LONRF2: variants seen among roughly 807,000 people sequenced by gnomAD.
The protein encoded by LONRF2 is LON peptidase N-terminal domain and RING finger protein 2.
LONRF2 carries 35 observed loss-of-function variants against 66.6 expected under a neutral mutation model. That is an observed-to-expected ratio of 0.53 (90% CI 0.40 to 0.70). The LOEUF (loss-of-function observed/expected upper bound fraction) is 0.70, where lower values mean the gene tolerates loss of function less well. LONRF2 is among the 30% of genes least tolerant of loss of function. LONRF2 has a pLI of 0.00. For missense variants in LONRF2, 902 were observed against 1,002.1 expected, an observed-to-expected ratio of 0.90 and a Z score of 1.35; for synonymous variants, 417 against 418.1, an observed-to-expected ratio of 1.00 and a Z score of 0.03.
At chr2:100,319,078 C>A (rs552521535) in intron 1 of LONRF2, among the ~76,000 whole-genome samples, 8 of 149,512 alleles carry the variant, frequency 5.4e-5, no homozygotes, top group Non-Finnish European at 8.9e-5. Context: ...TGTAGAGCCA[C>A]GCCACTACAC....
At chr2:100,309,070 C>A in intron 2 of LONRF2, 37 bp downstream of exon 2, 1 of 1,326,542 alleles carries the variant, frequency 7.5e-7, no homozygotes, top group South Asian at 1.4e-5. Flanking sequence ...ATATAAACTT[C>A]ACATTGATTA....
At chr2:100,304,559 C>T (rs1285656282) in intron 2 of LONRF2, among the ~76,000 whole-genome samples, 1 of 151,388 alleles carries the variant, frequency 6.6e-6, no homozygotes, top group Non-Finnish European at 1.5e-5. Flanking sequence ...TGCATAATAA[C>T]TTCTTCAAAG....
chr2:100,272,080 G>A lies in LONRF2; in HGVS notation c.*12218C>T, dbSNP rs968869212. ...CTATTTAAATGACATTACCAATAAT[G>A]ACTTGTGAAAACTGAAACTTTTAGT... On this transcript the variant is annotated 3_prime_UTR_variant, in exon 12 of 12. Transcript: ENST00000393437. Among the ~76,000 whole-genome samples, 1 of 152,174 alleles carries A rather than the reference G, an allele frequency of 6.6e-6. No individual in the cohort carries two copies. Among genetic ancestry groups the A allele is most frequent in the Non-Finnish European group, 1.5e-5 (1 of 68,038 alleles).
intron 5 of LONRF2, 150 bp from the exon 6 acceptor site, chr2:100,299,469 A>G: frequency 1.6e-6 from 1 of 608,560 alleles, no homozygotes; most frequent in East Asian, 2.9e-5. Flanking sequence ...TTAACAGCAT[A>G]CAGCAATAAT....
In LONRF2 at chr2:100,277,576, C is replaced by T. The variant is rs1433270930; in HGVS notation, c.*6722G>A. The T allele has an allele frequency of 6.6e-6, 1 of 152,196 alleles. No individual in the cohort carries two copies. Among genetic ancestry groups the T allele is most frequent in the African/African-American group, 2.4e-5 (1 of 41,440 alleles). The allele number at this position is 152,196 out of a possible 1,614,324, so 9.4% of individuals were successfully genotyped here. A position where few individuals can be genotyped will look rare whatever the true frequency, so the allele number is the denominator to read the frequency against. On this transcript the variant is annotated 3_prime_UTR_variant, in exon 12 of 12. Transcript: ENST00000393437. ...TCCCTTAGATTAACTGAGTGAACAG[C>T]AGTGGGAGTTCACAGAGGGTACAGA...
intron 1 of LONRF2, among the ~76,000 whole-genome samples, chr2:100,310,716 G>T (rs984670556): frequency 6.6e-6 from 1 of 152,190 alleles, no homozygotes; most frequent in African/African-American, 2.4e-5. Flanking sequence ...GGCTAGAGCA[G>T]GTGGCAGAAA....
intron 11 of LONRF2, among the ~76,000 whole-genome samples, chr2:100,286,699 G>T (rs777219820): frequency 8.7e-4 from 133 of 152,330 alleles, no homozygotes; most frequent in Non-Finnish European, 1.6e-3. Context: ...TGTTAGAAAA[G>T]AAATTATGTT....
intron 3 of LONRF2, among the ~76,000 whole-genome samples, chr2:100,301,200 G>A (rs980453378): frequency 6.6e-6 from 1 of 152,152 alleles, no homozygotes; most frequent in African/African-American, 2.4e-5. Context: ...ATGAGAACCA[G>A]AAGACCCACC....
At chr2:100,304,246 G>A (rs1184185988) in intron 2 of LONRF2, among the ~76,000 whole-genome samples, 2 of 151,742 alleles carry the variant, frequency 1.3e-5, no homozygotes, top group East Asian at 3.9e-4. Flanking sequence ...CTTAACTCCT[G>A]GGTTCAAACA....
chr2:100,307,046 G>A (rs1408710624), intron 2 of LONRF2, among the ~76,000 whole-genome samples: 2 of 151,258 alleles, frequency 1.3e-5, no homozygotes, highest in South Asian at 2.1e-4. Flanking sequence ...TCCGCCTCCC[G>A]AGTAGCTGGG....
intron 1 of LONRF2, among the ~76,000 whole-genome samples, chr2:100,311,942 A>G (rs1045341750): frequency 6.6e-6 from 1 of 152,198 alleles, no homozygotes; most frequent in Non-Finnish European, 1.5e-5. Context: ...AATACTAAGA[A>G]ATTTAATTAG....
intron 10 of LONRF2, 100 bp from the exon 11 acceptor site, chr2:100,287,163 T>C: frequency 5.2e-6 from 6 of 1,144,242 alleles, no homozygotes; most frequent in Non-Finnish European, 7.1e-6. Context: ...TTGTGGCAGT[T>C]AGCATTTTAA....
At chr2:100,298,749 G>T in intron 7 of LONRF2, 87 bp downstream of exon 7, 1 of 901,438 alleles carries the variant, frequency 1.1e-6, no homozygotes, top group Non-Finnish European at 1.8e-6. Flanking sequence ...TAACAACTGG[G>T]TGGGGGAAGC....
chr2:100,307,078 GC>G (rs1675311749), intron 2 of LONRF2, among the ~76,000 whole-genome samples: 1 of 151,854 alleles, frequency 6.6e-6, no homozygotes, highest in African/African-American at 2.4e-5. Flanking sequence ...CCGCCACCAT[GC>G]CCAGCTAATT....
intron 2 of LONRF2, 27 bp downstream of exon 2, chr2:100,309,080 A>T (rs926654279): frequency 7.9e-6 from 11 of 1,389,626 alleles, no homozygotes; most frequent in Non-Finnish European, 1.1e-5. Context: ...CACATTGATT[A>T]TCTCCAAAGC....
intron 6 of LONRF2, 72 bp from the exon 7 acceptor site, chr2:100,299,022 G>A: frequency 8.2e-7 from 1 of 1,217,726 alleles, no homozygotes; most frequent in Non-Finnish European, 1.2e-6. Context: ...GGTTTTTGAA[G>A]GATTCCTTAT....
In LONRF2 at chr2:100,290,354, A is replaced by G. The variant is rs1403510101; in HGVS notation, c.1824T>C (p.Val608=). The change falls in exon 10 of 12, where the codon GTT becomes GTC. Residue 608 remains valine (V), a synonymous_variant. Coordinates refer to ENST00000393437, the MANE Select transcript of LONRF2 (RefSeq NM_198461.4). ...DVRTFPDGSS[V]VDAIGISRFR... ...ACCGACTGATGCCAATCGCGTCTAC[A>G]ACAGAACTTCCATCAGGAAACGTTC... 2 of 1,614,230 alleles carry G rather than the reference A, an allele frequency of 1.2e-6. No homozygotes were observed. The highest frequency in any genetic ancestry group is 1.7e-5 in the Admixed American group (1 of 60,028).
intron 1 of LONRF2, among the ~76,000 whole-genome samples, chr2:100,310,039 T>A (rs1351573103): frequency 6.6e-6 from 1 of 152,178 alleles, no homozygotes; most frequent in Non-Finnish European, 1.5e-5. Context: ...CTACAGTATA[T>A]TCTCTTAAGG....
Position 100,281,531 on chromosome 2 carries a change from G to A in LONRF2, c.*2767C>T, listed in dbSNP as rs1296263379. The stretch of plus-strand genomic sequence containing the variant: ...GATGGGATAAGCTAAAAATGCCACG[G>A]GCTTTCAGAAAGCTGCCTTTGGGAT... On this transcript the variant is annotated 3_prime_UTR_variant, in exon 12 of 12. Transcript: ENST00000393437. 1.3e-5 allele frequency: 2 copies of A among 152,096 alleles called. No homozygotes were observed. Among genetic ancestry groups the A allele is most frequent in the Non-Finnish European group, 2.9e-5 (2 of 68,026 alleles). 9.4% of individuals were successfully genotyped at this position (152,096 alleles called of 1,614,324 possible). A position where few individuals can be genotyped will look rare whatever the true frequency, so the allele number is the denominator to read the frequency against.
Sources: gnomAD v4.1 joint callset for allele counts (sites outside exome capture counted in the v4.1 genomes callset) on GRCh38, gnomAD v4.1.1 for gene constraint, MANE v1.5 for transcripts, NCBI Gene and HGNC (gene_info 2026-07-23, HGNC 2026-07-21) for gene names.